KCNJ6: variants seen among roughly 807,000 people sequenced by gnomAD.
KCNJ6 encodes G protein-activated inward rectifier potassium channel 2.
A neutral mutation model predicts 34.2 loss-of-function variants in KCNJ6; 9 were observed. That is an observed-to-expected ratio of 0.26 (90% CI 0.16 to 0.46). KCNJ6 has a LOEUF of 0.46. Among genes scored for constraint, KCNJ6 ranks in the 20% least tolerant of loss-of-function variants. KCNJ6 has a pLI of 1.00. For missense variants in KCNJ6, 236 were observed against 531.3 expected, an observed-to-expected ratio of 0.44 and a Z score of 5.46; for synonymous variants, 196 against 207.1, an observed-to-expected ratio of 0.95 and a Z score of 0.46.
intron 2 of KCNJ6, among the ~76,000 whole-genome samples, chr21:37,728,002 T>A (rs2054864203): frequency 6.6e-6 from 1 of 152,206 alleles, no homozygotes; most frequent in Non-Finnish European, 1.5e-5. Flanking sequence ...TATTTGTATA[T>A]CCATGTTCAT....
intron 3 of KCNJ6, among the ~76,000 whole-genome samples, chr21:37,666,552 C>T (rs930361377): frequency 3.3e-5 from 5 of 152,082 alleles, no homozygotes; most frequent in South Asian, 2.1e-4. Flanking sequence ...GGTACCCGGC[C>T]GCCACCCCGT....
At position 37,616,891 on chromosome 21, in the gene KCNJ6, T is replaced by C. The variant is rs1371839750; in HGVS notation, c.*8268A>G. On this transcript the variant is annotated 3_prime_UTR_variant, in exon 4 of 4. Coordinates refer to ENST00000609713, the MANE Select transcript of KCNJ6 (RefSeq NM_002240.5). The stretch of plus-strand genomic sequence containing the variant: ...CAGCATAAGTTGTGTCTGTAAGTGC[T>C]GCAATGCAGAGTTCCTTGCAGATAA... 3 of 151,992 alleles carry C rather than the reference T, an allele frequency of 2.0e-5. No homozygotes were observed. The highest frequency in any genetic ancestry group is 7.3e-5 in the African/African-American group (3 of 41,372). The allele number at this position is 151,992 out of a possible 1,614,324, so 9.4% of individuals were successfully genotyped here. A position where few individuals can be genotyped will look rare whatever the true frequency, so the allele number is the denominator to read the frequency against.
chr21:37,720,068 C>T (rs1014019041), intron 2 of KCNJ6, among the ~76,000 whole-genome samples: 1 of 151,662 alleles, frequency 6.6e-6, no homozygotes, highest in South Asian at 2.1e-4. Context: ...GAAGGAAATA[C>T]ACCAGATGTG....
At chr21:37,698,579 G>C (rs2054674605) in intron 3 of KCNJ6, among the ~76,000 whole-genome samples, 1 of 151,564 alleles carries the variant, frequency 6.6e-6, no homozygotes, top group African/African-American at 2.4e-5. Context: ...GCCCAGGCTA[G>C]AGTGCAGTGG....
intron 2 of KCNJ6, among the ~76,000 whole-genome samples, chr21:37,732,405 A>G (rs371233305): frequency 6.7e-4 from 102 of 152,316 alleles, no homozygotes; most frequent in African/African-American, 2.4e-3. Context: ...AGAAGCGAGA[A>G]AGTGATTGCT....
chr21:37,813,992 GA>G lies in KCNJ6; in HGVS notation c.25+26665del, dbSNP rs572223818. On this transcript the variant is annotated intron_variant, in intron 2 of 3. Transcript: ENST00000609713. Reference sequence around the variant, plus strand: ...ACCCACAGAATAGGAGAAAATATGTGAAAACTACCCATCTGACAAGGGATTA... The same window carrying G: ...ACCCACAGAATAGGAGAAAATATGTGAAACTACCCATCTGACAAGGGATTA... Among the ~76,000 whole-genome samples the G allele has an allele frequency of 7.9e-5, 12 of 152,264 alleles. No homozygotes were observed. The South Asian group carries it at 2.5e-3, about 32-fold the overall frequency.
chr21:37,914,228 A>G (rs1470381642), intron 1 of KCNJ6, among the ~76,000 whole-genome samples: 2 of 152,128 alleles, frequency 1.3e-5, no homozygotes, highest in African/African-American at 4.8e-5. Context: ...TCCGTGGGTA[A>G]TTTGATATCC....
intron 2 of KCNJ6, among the ~76,000 whole-genome samples, chr21:37,762,270 C>G (rs1191979638): frequency 6.6e-6 from 1 of 152,180 alleles, no homozygotes; most frequent in Non-Finnish European, 1.5e-5. Context: ...ACAGATGGCT[C>G]CTTCCAAAGC....
At chr21:37,859,714 G>A (rs940815013) in intron 1 of KCNJ6, among the ~76,000 whole-genome samples, 1 of 150,596 alleles carries the variant, frequency 6.6e-6, no homozygotes, top group Non-Finnish European at 1.5e-5. Flanking sequence ...GAATTTCATT[G>A]ATTTACTTGT....
Position 37,853,392 on chromosome 21 carries a change from G to GAA in KCNJ6, c.-27-12685_-27-12684dup, listed in dbSNP as rs58598023. Among the ~76,000 whole-genome samples, 77 of 149,834 alleles carry GAA rather than the reference G, an allele frequency of 5.1e-4. 1 individual carries two copies. In the East Asian group the frequency reaches 0.014, roughly 28 times the overall value. On this transcript the variant is annotated intron_variant, in intron 1 of 3. Transcript: ENST00000609713. ...TAGCATAACATTTTTCAACCACTGG[G>GAA]AAAAAAAACATTTTCAGCTCAGAAT...
chr21:37,740,955 C>G (rs1204641415), intron 2 of KCNJ6, among the ~76,000 whole-genome samples: 1 of 152,228 alleles, frequency 6.6e-6, no homozygotes, highest in Non-Finnish European at 1.5e-5. Flanking sequence ...CCTCTTCTGT[C>G]TGTCCCCTTG....
At chr21:37,702,234 C>CAA (rs374421896) in intron 3 of KCNJ6, among the ~76,000 whole-genome samples, 51,883 of 98,026 alleles carry the variant, frequency 0.53, 15,604 homozygotes, top group East Asian at 0.87. Context: ...TTTTGTCTCA[C>CAA]AAAAAAAAAA....
chr21:37,635,504 C>T (rs1367086497), intron 3 of KCNJ6, among the ~76,000 whole-genome samples: 1 of 151,386 alleles, frequency 6.6e-6, no homozygotes, highest in Admixed American at 6.6e-5. Context: ...AGGTGTGAGC[C>T]ACCGCACCTG....
At position 37,607,467 on chromosome 21, in the gene KCNJ6, T is replaced by A. The variant is rs1208523684; in HGVS notation, c.*17692A>T. ...CTAACACAGCGAGTTCTTAAAGATA[T>A]ATATATATATATATATTTTTTTTTT... is the stretch of plus-strand genomic sequence containing the variant. On this transcript the variant is annotated 3_prime_UTR_variant, in exon 4 of 4. Transcript: ENST00000609713. 2 of 132,424 alleles carry A rather than the reference T, an allele frequency of 1.5e-5. No individual in the cohort carries two copies. Among genetic ancestry groups the A allele is most frequent in the Non-Finnish European group, 3.2e-5 (2 of 62,954 alleles). The allele number at this position is 132,424 out of a possible 1,614,324, so 8.2% of individuals were successfully genotyped here. A position where few individuals can be genotyped will look rare whatever the true frequency, so the allele number is the denominator to read the frequency against.
chr21:37,883,042 G>A (rs1260560738), intron 1 of KCNJ6, among the ~76,000 whole-genome samples: 1 of 152,224 alleles, frequency 6.6e-6, no homozygotes, highest in Non-Finnish European at 1.5e-5. Context: ...ATGTGCATGT[G>A]TATTCACGCG....
At chr21:37,868,615 G>A (rs2055634813) in intron 1 of KCNJ6, among the ~76,000 whole-genome samples, 2 of 152,156 alleles carry the variant, frequency 1.3e-5, no homozygotes, top group African/African-American at 2.4e-5. Context: ...GGAAGTAGCG[G>A]TCCATGCATG....
intron 2 of KCNJ6, among the ~76,000 whole-genome samples, chr21:37,757,590 A>AGCGTGAT (rs1360280325): frequency 7.1e-6 from 1 of 140,362 alleles, no homozygotes; most frequent in African/African-American, 2.5e-5. Context: ...ACTCCCTCAC[A>AGCGTGAT]GATTCCAGCC....
intron 2 of KCNJ6, among the ~76,000 whole-genome samples, chr21:37,822,796 A>G (rs2055379912): frequency 6.6e-6 from 1 of 152,198 alleles, no homozygotes; most frequent in Admixed American, 6.5e-5. Context: ...GACTTAAATC[A>G]CTTTTAATAA....
intron 1 of KCNJ6, among the ~76,000 whole-genome samples, chr21:37,912,840 C>T (rs1166643100): frequency 6.6e-6 from 1 of 152,202 alleles, no homozygotes; most frequent in Non-Finnish European, 1.5e-5. Context: ...TCTTTAGAAA[C>T]AACATGTCAC....
Sources: allele counts gnomAD v4.1 joint callset (sites outside exome capture counted in the v4.1 genomes callset), GRCh38; gene constraint gnomAD v4.1.1; transcripts MANE v1.5; gene names NCBI Gene and HGNC (gene_info 2026-07-23, HGNC 2026-07-21).